Variants in TFB1M observed in about 807,000 individuals in gnomAD.
The protein encoded by TFB1M is dimethyladenosine transferase 1, mitochondrial.
TFB1M carries 27 observed loss-of-function variants against 31.1 expected under a neutral mutation model. The observed-to-expected ratio is 0.87, with a 90% CI of 0.64 to 1.20. The LOEUF (loss-of-function observed/expected upper bound fraction) is 1.20. Ranked by LOEUF, TFB1M falls within the 50% of genes most tolerant of loss-of-function variation. The probability of loss-of-function intolerance (pLI) is 0.00; values close to 1 mark genes in which losing one functional copy is unlikely to be tolerated. For synonymous variants in TFB1M, 166 were observed against 151.8 expected (o/e 1.09, Z -0.69); for missense variants, 394 against 418.7 (o/e 0.94, Z 0.51).
At position 155,257,601 on chromosome 6, in the gene TFB1M, GTT is replaced by G; in HGVS notation, c.*233_*234del. 2.0e-6 allele frequency: 1 copy of G among 510,654 alleles called. No individual in the cohort carries two copies. Among genetic ancestry groups the G allele is most frequent in the Non-Finnish European group, 3.4e-6 (1 of 292,408 alleles). The allele number at this position is 510,654 out of a possible 1,614,324, so 31.6% of individuals were successfully genotyped here. ...TGTAAGATAGATTGTAATAGATGCT[GTT>G]TATACTAAACATGTCATAACTATCT... On this transcript the variant is annotated 3_prime_UTR_variant, in exon 7 of 7. Transcript: ENST00000367166.
chr6:155,310,106 G>A (rs1401954499), intron 2 of TFB1M, among the ~76,000 whole-genome samples: 1 of 152,106 alleles, frequency 6.6e-6, no homozygotes, highest in Non-Finnish European at 1.5e-5. Flanking sequence ...AAACCGTTCT[G>A]ACAGAAATTA....
the TFB1M span, among the ~76,000 whole-genome samples, chr6:155,232,030 G>A: frequency 2.6e-5 from 4 of 152,234 alleles, no homozygotes; most frequent in Non-Finnish European, 5.9e-5. Context: ...GCACTGAGCC[G>A]AGATCGTGCC....
chr6:155,313,694 C>T (rs1201042754), intron 1 of TFB1M, among the ~76,000 whole-genome samples: 2 of 152,216 alleles, frequency 1.3e-5, no homozygotes, highest in East Asian at 1.9e-4. Flanking sequence ...TGTAAACTTG[C>T]TAAAAGTAAG....
At chr6:155,274,698 G>C (rs766581302) in intron 5 of TFB1M, among the ~76,000 whole-genome samples, 1 of 152,182 alleles carries the variant, frequency 6.6e-6, no homozygotes, top group Non-Finnish European at 1.5e-5. Context: ...GTATTAACTA[G>C]AACTTAGGGA....
At chr6:155,269,154 G>A (rs558491525) in intron 5 of TFB1M, among the ~76,000 whole-genome samples, 1 of 151,728 alleles carries the variant, frequency 6.6e-6, no homozygotes, top group Non-Finnish European at 1.5e-5. Context: ...AAGAGAGGTA[G>A]GACTTACAAA....
At chr6:155,279,634 A>G (rs1305557800) in intron 5 of TFB1M, among the ~76,000 whole-genome samples, 1 of 152,184 alleles carries the variant, frequency 6.6e-6, no homozygotes, top group Non-Finnish European at 1.5e-5. Context: ...AACTTACTTG[A>G]CTTTTGAGAT....
intron 4 of TFB1M, among the ~76,000 whole-genome samples, chr6:155,292,772 A>G (rs4869851): frequency 0.13 from 19,078 of 152,248 alleles, 1,527 homozygotes; most frequent in Non-Finnish European, 0.19. Flanking sequence ...AATCACTAAA[A>G]GAGTACAGAA....
intron 5 of TFB1M, among the ~76,000 whole-genome samples, chr6:155,264,921 G>A (rs1032286350): frequency 1.3e-5 from 2 of 152,142 alleles, no homozygotes; most frequent in Non-Finnish European, 2.9e-5. Context: ...ACAATTTCAG[G>A]GAGATGCACG....
intron 2 of TFB1M, among the ~76,000 whole-genome samples, chr6:155,309,575 T>C (rs1228138026): frequency 1.3e-5 from 2 of 152,134 alleles, no homozygotes; most frequent in South Asian, 2.1e-4. Flanking sequence ...GAGGGGAATA[T>C]GTGGGAATGA....
At chr6:155,299,693 T>C (rs557768441) in intron 2 of TFB1M, among the ~76,000 whole-genome samples, 4 of 152,310 alleles carry the variant, frequency 2.6e-5, no homozygotes, top group African/African-American at 9.6e-5. Flanking sequence ...AGGGAACATT[T>C]GCCCTGAGCC....
intron 4 of TFB1M, among the ~76,000 whole-genome samples, chr6:155,290,259 G>A (rs903367157): frequency 2.0e-5 from 3 of 151,900 alleles, no homozygotes; most frequent in East Asian, 1.9e-4. Flanking sequence ...GGTGGTGGGC[G>A]CCTGTAGTCC....
intron 5 of TFB1M, among the ~76,000 whole-genome samples, chr6:155,281,410 A>G (rs1049637094): frequency 5.3e-5 from 8 of 152,264 alleles, no homozygotes; most frequent in African/African-American, 1.9e-4. Context: ...TTTTTCTACT[A>G]AGTCAGAGTA....
At chr6:155,251,834 T>TA, downstream of TFB1M, 1 of 820,318 alleles carries the variant, frequency 1.2e-6, no homozygotes, top group South Asian at 1.6e-5. Flanking sequence ...AGTGAGGTCT[T>TA]AGAGACTCAT....
At chr6:155,302,656 G>T (rs539361399) in intron 2 of TFB1M, among the ~76,000 whole-genome samples, 1 of 152,236 alleles carries the variant, frequency 6.6e-6, no homozygotes, top group Non-Finnish European at 1.5e-5. Flanking sequence ...TATCTTAAAT[G>T]ATACTACAAA....
At chr6:155,294,731 T>C (rs561411996) in intron 4 of TFB1M, among the ~76,000 whole-genome samples, 1 of 152,238 alleles carries the variant, frequency 6.6e-6, no homozygotes, top group South Asian at 2.1e-4. Context: ...GGCGTGATGA[T>C]TTCAGAGATC....
intron 5 of TFB1M, among the ~76,000 whole-genome samples, chr6:155,284,956 A>C (rs866039285): frequency 1.3e-5 from 2 of 152,234 alleles, no homozygotes. Context: ...CTAAACATTT[A>C]GTCACCCTAC....
intron 5 of TFB1M, among the ~76,000 whole-genome samples, chr6:155,263,694 T>G (rs1298458926): frequency 1.3e-5 from 2 of 152,186 alleles, no homozygotes; most frequent in Admixed American, 1.3e-4. Flanking sequence ...ATCAACATGA[T>G]ATACAGAGGA....
chr6:155,293,677 CAGTT>C (rs1423369386), intron 4 of TFB1M, among the ~76,000 whole-genome samples: 1 of 152,110 alleles, frequency 6.6e-6, no homozygotes, highest in Non-Finnish European at 1.5e-5. Flanking sequence ...TTGAGATTCT[CAGTT>C]AGGTTTTGTA....
chr6:155,250,683 G>A, the TFB1M span: 18 of 1,435,622 alleles, frequency 1.3e-5, no homozygotes, highest in East Asian at 7.4e-5. Context: ...CTACATGTGC[G>A]TGCACTGGAG....
Sources: allele counts gnomAD v4.1 joint callset (sites outside exome capture counted in the v4.1 genomes callset), GRCh38; gene constraint gnomAD v4.1.1; transcripts MANE v1.5; gene names NCBI Gene and HGNC (gene_info 2026-07-23, HGNC 2026-07-21).